AVPR1A: variants seen among roughly 807,000 people sequenced by gnomAD.
The protein encoded by AVPR1A is arginine vasopressin receptor 1A.
AVPR1A carries 31 observed loss-of-function variants against 31.5 expected under a neutral mutation model. The ratio of observed to expected loss-of-function variants is 0.99; its 90% CI spans 0.74 to 1.33. AVPR1A has a LOEUF of 1.33. AVPR1A is among the 40% of genes most tolerant of loss of function. The pLI, the probability that AVPR1A is intolerant of heterozygous loss-of-function variation, is 0.00. For synonymous variants in AVPR1A, 243 were observed against 233.2 expected (o/e 1.04, Z -0.38); for missense variants, 570 against 575.2 (o/e 0.99, Z 0.09).
At position 63,150,890 on chromosome 12, in the gene AVPR1A, C is replaced by G. The variant is rs1041005789; in HGVS notation, c.-54G>C. On this transcript the variant is annotated 5_prime_UTR_variant, in exon 1 of 2. Transcript: ENST00000299178. The surrounding 1 kb of genome is among the most constrained non-coding windows in gnomAD (Gnocchi z 4.9). ...CTTCGGAGCTCCAGCCCTCGCGGGC[C>G]GCTCCCTCCCCGTCTCGGAGGACTT... The G allele has an allele frequency of 1.7e-5, 25 of 1,456,808 alleles. No individual in the cohort carries two copies. The Admixed American group carries it at 6.5e-4, about 38-fold the overall frequency. The allele number at this position is 1,456,808 out of a possible 1,614,324, so 90.2% of individuals were successfully genotyped here. A position where few individuals can be genotyped will look rare whatever the true frequency, so the allele number is the denominator to read the frequency against.
chr12:63,150,160 A>T lies in AVPR1A; in HGVS notation c.677T>A (p.Val226Glu). ...YVTWMTGGIF[V>E]APVVILGTCY... Reference sequence around the variant, plus strand: ...GGTACCCAAGATGACCACGGGCGCCACAAAGATGCCGCCCGTCATCCAGGT... The same window carrying T: ...GGTACCCAAGATGACCACGGGCGCCTCAAAGATGCCGCCCGTCATCCAGGT... The change falls in exon 1 of 2, where the codon GTG becomes GAG. Residue 226 changes from valine (V) to glutamate (E), a missense_variant. Transcript: ENST00000299178. This position sits in a 1 kb window ranked among gnomAD's most constrained non-coding sequence, Gnocchi z 4.9. 6.2e-7 allele frequency: 1 copy of T among 1,614,002 alleles called. No individual in the cohort carries two copies. Among genetic ancestry groups the T allele is most frequent in the Non-Finnish European group, 8.5e-7 (1 of 1,180,034 alleles).
intron 1 of AVPR1A, among the ~76,000 whole-genome samples, chr12:63,148,125 A>G (rs758174232): frequency 5.3e-5 from 8 of 152,194 alleles, no homozygotes; most frequent in Non-Finnish European, 8.8e-5. Context: ...TTCTTATAAT[A>G]TGAAAACCAT....
In AVPR1A at chr12:63,145,503, T is replaced by C; in HGVS notation, c.*1856A>G. ...AGCTGGGTGTGGTGGCACATGCATATAGTCCCAGCTACTCGGGAGGCTGAG... is the reference window on the plus strand; with the variant it reads ...AGCTGGGTGTGGTGGCACATGCATACAGTCCCAGCTACTCGGGAGGCTGAG... On this transcript the variant is annotated 3_prime_UTR_variant, in exon 2 of 2. Transcript: ENST00000299178. 2.8e-6 allele frequency: 1 copy of C among 362,920 alleles called. No homozygotes were observed. The highest frequency in any genetic ancestry group is 5.3e-6 in the Non-Finnish European group (1 of 188,352). The allele number at this position is 362,920 out of a possible 1,614,324, so 22.5% of individuals were successfully genotyped here. A position where few individuals can be genotyped will look rare whatever the true frequency, so the allele number is the denominator to read the frequency against.
chr12:63,149,605 C>T (rs539598893), intron 1 of AVPR1A, among the ~76,000 whole-genome samples: 1 of 151,864 alleles, frequency 6.6e-6, no homozygotes, highest in South Asian at 2.1e-4. Context: ...TCCTGAGCCC[C>T]ATTCCAGACA....
rs751970834 is a variant in AVPR1A, at chr12:63,149,929, CA to C, written c.907del (p.Cys303AlafsTer37). 1.2e-6 allele frequency: 2 copies of C among 1,614,048 alleles called. No homozygotes were observed. The highest frequency in any genetic ancestry group is 2.2e-5 in the South Asian group (2 of 91,076). On this transcript the variant is annotated frameshift_variant, in exon 1 of 2. Transcript: ENST00000299178. LOFTEE classifies it high-confidence loss of function. ...CTGGATGATGAAGAAAGGCGCCCAG[CA>C]GACGATGTAAGCCGTCACGATCACA... ...TFVIVTAYIV[C>X]WAPFFIIQMW...
At chr12:63,147,693 G>A (rs1457190806) in intron 1 of AVPR1A, 48 bp from the exon 2 acceptor site, 1 of 1,555,900 alleles carries the variant, frequency 6.4e-7, no homozygotes, top group African/African-American at 1.4e-5. Flanking sequence ...GTGAACCATG[G>A]ATAAACTCAT....
rs749962328 is a variant in AVPR1A at position 63,144,466 on chromosome 12, C to A, written c.*2893G>T. On this transcript the variant is annotated 3_prime_UTR_variant, in exon 2 of 2. Coordinates refer to ENST00000299178, the MANE Select transcript of AVPR1A (RefSeq NM_000706.5). ...CATTAAAATTGTGTACTTGCAGGAT[C>A]TTCCCACTGTTAACTGTGAAAAATA... 2.6e-5 allele frequency: 4 copies of A among 152,204 alleles called. No individual in the cohort carries two copies. Among genetic ancestry groups the A allele is most frequent in the African/African-American group, 9.6e-5 (4 of 41,454 alleles). The allele number at this position is 152,204 out of a possible 1,614,324, so 9.4% of individuals were successfully genotyped here. A position where few individuals can be genotyped will look rare whatever the true frequency, so the allele number is the denominator to read the frequency against.
rs986778843 is a variant in AVPR1A at position 63,147,235 on chromosome 12, T to C, written c.*124A>G. ...TGAAAATGCAACTAGAAACACAGTC[T>C]CATACACAATGAATTGATTTATGGT... On this transcript the variant is annotated 3_prime_UTR_variant, in exon 2 of 2. Transcript: ENST00000299178. 8.5e-7 allele frequency: 1 copy of C among 1,170,474 alleles called. No individual in the cohort carries two copies. The highest frequency in any genetic ancestry group is 1.2e-6 in the Non-Finnish European group (1 of 827,630). The allele number at this position is 1,170,474 out of a possible 1,614,324, so 72.5% of individuals were successfully genotyped here.
In AVPR1A at chr12:63,150,606, G is replaced by C; in HGVS notation, c.231C>G (p.His77Gln). The C allele has an allele frequency of 1.2e-6, 2 of 1,610,268 alleles. No individual in the cohort carries two copies. Among genetic ancestry groups the C allele is most frequent in the Non-Finnish European group, 1.7e-6 (2 of 1,179,866 alleles). The change falls in exon 1 of 2, where the codon CAC (histidine) becomes CAG (glutamine). Residue 77 changes from histidine to glutamine, a missense_variant. Transcript: ENST00000299178. This position sits in a 1 kb window ranked among gnomAD's most constrained non-coding sequence, Gnocchi z 4.9. ...LGNSSVLLALHRTPRKTSRMH... is the reference protein window; with the variant it reads ...LGNSSVLLALQRTPRKTSRMH... ...TGCGGGACGTCTTGCGCGGCGTCCG[G>C]TGCAGAGCCAGCAGTACGCTGCTGT... is the stretch of plus-strand genomic sequence containing the variant.
In AVPR1A at chr12:63,143,642, A is replaced by G. The variant is rs1176538905; in HGVS notation, c.*3717T>C. 2 of 152,214 alleles carry G rather than the reference A, an allele frequency of 1.3e-5. No homozygotes were observed. Among genetic ancestry groups the G allele is most frequent in the Non-Finnish European group, 2.9e-5 (2 of 68,046 alleles). The allele number at this position is 152,214 out of a possible 1,614,324, so 9.4% of individuals were successfully genotyped here. A position where few individuals can be genotyped will look rare whatever the true frequency, so the allele number is the denominator to read the frequency against. ...ACTGTCCTATGTTACTTATGATTCC[A>G]AATGTTGTCAACAATACTGAGTAGT... is the stretch of plus-strand genomic sequence containing the variant. On this transcript the variant is annotated 3_prime_UTR_variant, in exon 2 of 2. Transcript: ENST00000299178.
Position 63,149,769 on chromosome 12 carries a change from T to TCTCTCTC in AVPR1A, c.970+97_970+98insGAGAGAG, listed in dbSNP as rs1565878651. Reference sequence around the variant, plus strand: ...GAAGAAAATTGCTAGATTCTCATTTTTTTCTCTCTCTCTCTCTCTCTCTCT... The same window carrying TCTCTCTC: ...GAAGAAAATTGCTAGATTCTCATTTTCTCTCTCTTTCTCTCTCTCTCTCTCTCTCTCT... On this transcript the variant is annotated intron_variant, in intron 1 of 1. Transcript: ENST00000299178. The TCTCTCTC allele has an allele frequency of 1.5e-5, 19 of 1,243,618 alleles. No individual in the cohort carries two copies. The African/African-American group carries it at 4.2e-4, about 27-fold the overall frequency. 77.0% of individuals were successfully genotyped at this position (1,243,618 alleles called of 1,614,324 possible). A position where few individuals can be genotyped will look rare whatever the true frequency, so the allele number is the denominator to read the frequency against.
In AVPR1A at chr12:63,150,966, G is replaced by T; in HGVS notation, c.-130C>A. 2 of 1,342,268 alleles carry T rather than the reference G, an allele frequency of 1.5e-6. No homozygotes were observed. Among genetic ancestry groups the T allele is most frequent in the Non-Finnish European group, 2.0e-6 (2 of 1,016,296 alleles). The allele number at this position is 1,342,268 out of a possible 1,614,324, so 83.1% of individuals were successfully genotyped here. A position where few individuals can be genotyped will look rare whatever the true frequency, so the allele number is the denominator to read the frequency against. On this transcript the variant is annotated 5_prime_UTR_variant, in exon 1 of 2. Coordinates refer to ENST00000299178, the MANE Select transcript of AVPR1A (RefSeq NM_000706.5). This position sits in a 1 kb window ranked among gnomAD's most constrained non-coding sequence, Gnocchi z 4.9. ...CTTTGGCGCGCTCGCAGCTTGCCGG[G>T]CTCTGCGATCCCTCCAGTGGGCGTC...
rs746799869 is a variant in AVPR1A at position 63,147,663 on chromosome 12, A to G, written c.971-18T>C. ...TTCCGATTCTGCATGAAAAATATAA[A>G]GGGAAATCATGTAATGTAAGTGAAC... On this transcript the variant is annotated intron_variant, in intron 1 of 1. Transcript: ENST00000299178. 1.2e-6 allele frequency: 2 copies of G among 1,605,328 alleles called. No individual in the cohort carries two copies. The highest frequency in any genetic ancestry group is 8.5e-7 in the Non-Finnish European group (1 of 1,173,250).
intron 1 of AVPR1A, among the ~76,000 whole-genome samples, chr12:63,148,754 A>C (rs575294364): frequency 1.3e-5 from 2 of 152,334 alleles, no homozygotes; most frequent in South Asian, 2.1e-4. Context: ...TATTTAAGTT[A>C]AATTCATACT....
chr12:63,146,832 GGC>G lies in AVPR1A; in HGVS notation c.*525_*526del, dbSNP rs1358312453. 1 of 153,794 alleles carries G rather than the reference GGC, an allele frequency of 6.5e-6. No homozygotes were observed. The highest frequency in any genetic ancestry group is 2.4e-5 in the African/African-American group (1 of 41,428). The allele number at this position is 153,794 out of a possible 1,614,324, so 9.5% of individuals were successfully genotyped here. A position where few individuals can be genotyped will look rare whatever the true frequency, so the allele number is the denominator to read the frequency against. Reference sequence around the variant, plus strand: ...ATGAGCAGGAGCTCATTACACCCCAGGCACTTGTACTCCTAGGAGGTACCATC... The same window carrying G: ...ATGAGCAGGAGCTCATTACACCCCAGACTTGTACTCCTAGGAGGTACCATC... On this transcript the variant is annotated 3_prime_UTR_variant, in exon 2 of 2. Transcript: ENST00000299178.
Position 63,147,377 on chromosome 12 carries a change from G to A in AVPR1A, c.1239C>T (p.Phe413=). Reference sequence around the variant, plus strand: ...GCAAGGCTCAAGTTGAAACAGGAATGAATTTGATGGACTTGGAAGATTTAG... The same window carrying A: ...GCAAGGCTCAAGTTGAAACAGGAATAAATTTGATGGACTTGGAAGATTTAG... The part of the protein sequence containing the change: ...DSPKSSKSIK[F]IPVST The change falls in exon 2 of 2, where the codon TTC becomes TTT. Residue 413 remains phenylalanine (F), a synonymous_variant. Coordinates refer to ENST00000299178, the MANE Select transcript of AVPR1A (RefSeq NM_000706.5). The A allele has an allele frequency of 6.2e-7, 1 of 1,613,342 alleles. No homozygotes were observed. Among genetic ancestry groups the A allele is most frequent in the South Asian group, 1.1e-5 (1 of 91,056 alleles).
chr12:63,150,888 G>A lies in AVPR1A; in HGVS notation c.-52C>T, dbSNP rs2643135. 3.6e-5 allele frequency: 52 copies of A among 1,460,580 alleles called. No homozygotes were observed. In the African/African-American group the frequency reaches 7.1e-4, roughly 20 times the overall value. The allele number at this position is 1,460,580 out of a possible 1,614,324, so 90.5% of individuals were successfully genotyped here. A position where few individuals can be genotyped will look rare whatever the true frequency, so the allele number is the denominator to read the frequency against. Reference sequence around the variant, plus strand: ...CTCTTCGGAGCTCCAGCCCTCGCGGGCCGCTCCCTCCCCGTCTCGGAGGAC... The same window carrying A: ...CTCTTCGGAGCTCCAGCCCTCGCGGACCGCTCCCTCCCCGTCTCGGAGGAC... On this transcript the variant is annotated 5_prime_UTR_variant, in exon 1 of 2. Coordinates refer to ENST00000299178, the MANE Select transcript of AVPR1A (RefSeq NM_000706.5). The surrounding 1 kb of genome is among the most constrained non-coding windows in gnomAD (Gnocchi z 4.9).
chr12:63,149,170 G>A (rs73327843), intron 1 of AVPR1A, among the ~76,000 whole-genome samples: 7,853 of 152,136 alleles, frequency 0.052, 665 homozygotes, highest in African/African-American at 0.18. Context: ...TAATGAATTA[G>A]TCTAATGAAT....
chr12:63,144,242 C>T lies in AVPR1A; in HGVS notation c.*3117G>A, dbSNP rs1868341239. On this transcript the variant is annotated 3_prime_UTR_variant, in exon 2 of 2. Coordinates refer to ENST00000299178, the MANE Select transcript of AVPR1A (RefSeq NM_000706.5). ...ACTGATTTCCTTCACAATTGTGTTC[C>T]AAATGAAATTTCAAAATAAAAGCCA... is the stretch of plus-strand genomic sequence containing the variant. 6.6e-6 allele frequency: 1 copy of T among 152,088 alleles called. No homozygotes were observed. The highest frequency in any genetic ancestry group is 2.1e-4 in the South Asian group (1 of 4,824). 9.4% of individuals were successfully genotyped at this position (152,088 alleles called of 1,614,324 possible).
Sources: gnomAD v4.1 joint callset for allele counts (sites outside exome capture counted in the v4.1 genomes callset) on GRCh38, gnomAD v4.1.1 for gene constraint, Gnocchi (gnomAD v3.1) non-coding constraint, MANE v1.5 for transcripts, NCBI Gene and HGNC (gene_info 2026-07-23, HGNC 2026-07-21) for gene names.